Variants in EVC2 observed in about 807,000 individuals in gnomAD.
EVC2 encodes the protein limbin.
Under a neutral mutation model 149.3 loss-of-function variants are expected in EVC2, and 148 were observed. The observed-to-expected ratio is 0.99, with a 90% confidence interval of 0.87 to 1.14. EVC2 has a LOEUF of 1.14. Among genes scored for constraint, EVC2 ranks in the 50% most tolerant of loss-of-function variants. EVC2 has a pLI of 0.00. For missense variants in EVC2, 1,854 were observed against 1,627.3 expected, an observed-to-expected ratio of 1.14 and a Z score of -2.40; for synonymous variants, 776 against 649.9, an observed-to-expected ratio of 1.19 and a Z score of -2.95.
intron 9 of EVC2, among the ~76,000 whole-genome samples, chr4:5,652,373 G>A (rs1718208248): frequency 6.6e-6 from 1 of 152,148 alleles, no homozygotes; most frequent in Admixed American, 6.5e-5. Flanking sequence ...TGGATTTCCG[G>A]TTAAGGACAG....
chr4:5,675,726 C>T (rs753947426), intron 7 of EVC2, among the ~76,000 whole-genome samples: 1 of 152,080 alleles, frequency 6.6e-6, no homozygotes, highest in Non-Finnish European at 1.5e-5. Context: ...GGGTGGATCA[C>T]CTGAGGTCCG....
chr4:5,666,819 T>C (rs1488292198), intron 7 of EVC2, among the ~76,000 whole-genome samples: 1 of 152,214 alleles, frequency 6.6e-6, no homozygotes, highest in Admixed American at 6.5e-5. Context: ...ATCCTAAGTA[T>C]CTATTTATTC....
At chr4:5,557,125 GA>G in intron 21 of EVC2, among the ~76,000 whole-genome samples, 1 of 151,902 alleles carries the variant, frequency 6.6e-6, no homozygotes, top group Non-Finnish European at 1.5e-5. Flanking sequence ...TACAAGAAAG[GA>G]AAACTAGAGA....
intron 6 of EVC2, 21 bp downstream of exon 6, chr4:5,685,349 T>C: frequency 1.2e-6 from 2 of 1,610,650 alleles, no homozygotes; most frequent in Non-Finnish European, 8.5e-7. Context: ...AAGACAGAGA[T>C]TAAAGTAACA....
rs200998624 is a variant in EVC2, at chr4:5,665,634, C to T, written c.886G>A (p.Gly296Ser). ...EENVTVLPHH[G>S]LHAAGFFIAF... ...ATGAAGAACCCTGCTGCGTGGAGGC[C>T]GTGGTGCGGCAGAACCTGTGGAGAC... is the stretch of plus-strand genomic sequence containing the variant. Residue 296 changes from glycine to serine, a missense_variant, in exon 8 of 22, where the codon GGC becomes AGC. Coordinates refer to ENST00000344408, the MANE Select transcript of EVC2 (RefSeq NM_147127.5). The T allele has an allele frequency of 8.7e-6, 14 of 1,614,166 alleles. No homozygotes were observed. The highest frequency in any genetic ancestry group is 2.2e-5 in the East Asian group (1 of 44,882).
At chr4:5,608,269 G>A (rs191892501) in intron 16 of EVC2, among the ~76,000 whole-genome samples, 3 of 152,322 alleles carry the variant, frequency 2.0e-5, no homozygotes, top group Non-Finnish European at 2.9e-5. Flanking sequence ...GCAGCCCAAC[G>A]GTGAATTCAA....
At chr4:5,704,681 G>A (rs1006352084) in intron 1 of EVC2, among the ~76,000 whole-genome samples, 5 of 152,242 alleles carry the variant, frequency 3.3e-5, no homozygotes, top group Admixed American at 6.5e-5. Flanking sequence ...CATCTTTCCT[G>A]ACCAAGCTCT....
chr4:5,600,262 A>T (rs925665540), intron 16 of EVC2, among the ~76,000 whole-genome samples: 2 of 152,210 alleles, frequency 1.3e-5, no homozygotes, highest in Non-Finnish European at 2.9e-5. Context: ...TGTCATCATC[A>T]TTACCACTTT....
chr4:5,603,817 A>T (rs889566547), intron 16 of EVC2, among the ~76,000 whole-genome samples: 2 of 152,240 alleles, frequency 1.3e-5, no homozygotes, highest in Admixed American at 1.3e-4. Flanking sequence ...AAATATGGTT[A>T]TGTCATTTTC....
chr4:5,650,877 G>A (rs1201979208), intron 9 of EVC2, among the ~76,000 whole-genome samples: 3 of 152,072 alleles, frequency 2.0e-5, no homozygotes, highest in Admixed American at 6.6e-5. Flanking sequence ...CGGCACACAC[G>A]AAGCACTTAG....
At chr4:5,620,986 G>C (rs187048377) in intron 14 of EVC2, among the ~76,000 whole-genome samples, 1 of 152,292 alleles carries the variant, frequency 6.6e-6, no homozygotes, top group East Asian at 1.9e-4. Flanking sequence ...ACTAAGAGAA[G>C]ACAGAATCTT....
At chr4:5,599,001 C>A (rs1275108306) in intron 16 of EVC2, among the ~76,000 whole-genome samples, 1 of 152,032 alleles carries the variant, frequency 6.6e-6, no homozygotes, top group East Asian at 1.9e-4. Flanking sequence ...CAGAGAAATG[C>A]AAATCAAAAC....
Position 5,569,391 on chromosome 4 carries a change from C to T in EVC2, c.3361-751G>A, listed in dbSNP as rs1034707029. Among the ~76,000 whole-genome samples, 1 of 152,204 alleles carries T rather than the reference C, an allele frequency of 6.6e-6. No individual in the cohort carries two copies. Among genetic ancestry groups the T allele is most frequent in the Non-Finnish European group, 1.5e-5 (1 of 68,038 alleles). ...GTACATTTTATATCGATGTCAACTT[C>T]CTGGTTCTGATGCTGTCTGACAGGA... On this transcript the variant is annotated intron_variant, in intron 19 of 21. Transcript: ENST00000344408. The surrounding 1 kb of genome is among the most constrained non-coding windows in gnomAD (Gnocchi z 4.8).
At chr4:5,650,638 T>TAGAGAGAGAGAGAG (rs375595646) in intron 9 of EVC2, among the ~76,000 whole-genome samples, 28 of 45,092 alleles carry the variant, frequency 6.2e-4, no homozygotes, top group South Asian at 1.1e-3. Context: ...TATATATATA[T>TAGAGAGAGAGAGAG]AGAGAGAGAG....
Position 5,614,321 on chromosome 4 carries a change from G to T in EVC2, c.2829+1101C>A, listed in dbSNP as rs10029392. On this transcript the variant is annotated intron_variant, in intron 16 of 21. Transcript: ENST00000344408. The surrounding 1 kb of genome is among the most constrained non-coding windows in gnomAD (Gnocchi z 4.7). The stretch of plus-strand genomic sequence containing the variant: ...CATTTCCCCCAACTAGAACGGGCTC[G>T]CCTCTACTGGAGAGCAGGGACCAGG... 0.1 allele frequency among the ~76,000 whole-genome samples: 15,483 copies of T among 152,104 alleles called. 1,464 individuals carry two copies. Among genetic ancestry groups the T allele is most frequent in the African/African-American group, 0.25 (10,243 of 41,446 alleles).
Position 5,696,831 on chromosome 4 carries a change from G to A in EVC2, c.283+762C>T, listed in dbSNP as rs1326737217. Reference sequence around the variant, plus strand: ...AGTGTGGCAAGCTGAATAAAGGTCCGCAAAGACAGCCAGGTCCTAACCCCA... The same window carrying A: ...AGTGTGGCAAGCTGAATAAAGGTCCACAAAGACAGCCAGGTCCTAACCCCA... On this transcript the variant is annotated intron_variant, in intron 2 of 21. Coordinates refer to ENST00000344408, the MANE Select transcript of EVC2 (RefSeq NM_147127.5). The surrounding 1 kb of genome is among the most constrained non-coding windows in gnomAD (Gnocchi z 4.1). Among the ~76,000 whole-genome samples, 12 of 152,288 alleles carry A rather than the reference G, an allele frequency of 7.9e-5. No homozygotes were observed. The highest frequency in any genetic ancestry group is 1.0e-4 in the Non-Finnish European group (7 of 68,026).
chr4:5,541,898 A>T (rs996858448), downstream of EVC2, among the ~76,000 whole-genome samples: 1 of 152,136 alleles, frequency 6.6e-6, no homozygotes, highest in Non-Finnish European at 1.5e-5. Flanking sequence ...CGAGCAATGG[A>T]CTGAATGTGT....
chr4:5,636,949 G>A lies in EVC2; in HGVS notation c.1470+3565C>T, dbSNP rs772666573. 3.9e-5 allele frequency among the ~76,000 whole-genome samples: 6 copies of A among 152,148 alleles called. No homozygotes were observed. Among genetic ancestry groups the A allele is most frequent in the Non-Finnish European group, 7.3e-5 (5 of 68,044 alleles). On this transcript the variant is annotated intron_variant, in intron 10 of 21. Transcript: ENST00000344408. This position sits in a 1 kb window ranked among gnomAD's most constrained non-coding sequence, Gnocchi z 4.6. The stretch of plus-strand genomic sequence containing the variant: ...TGCTGCAGCTCAGATACTATTTCTG[G>A]AAACAGATTGGTTCAAATAAGGCGG...
At chr4:5,676,839 T>A (rs1577239839) in intron 7 of EVC2, among the ~76,000 whole-genome samples, 1 of 152,160 alleles carries the variant, frequency 6.6e-6, no homozygotes, top group Non-Finnish European at 1.5e-5. Flanking sequence ...CGCTGTGCAT[T>A]CTTCGGTCTT....
Sources: allele counts gnomAD v4.1 joint callset (sites outside exome capture counted in the v4.1 genomes callset), GRCh38; gene constraint gnomAD v4.1.1; non-coding constraint Gnocchi (gnomAD v3.1); transcripts MANE v1.5; gene names NCBI Gene and HGNC (gene_info 2026-07-23, HGNC 2026-07-21).